Variants in RNF213 observed in about 807,000 individuals in gnomAD.
The protein encoded by RNF213 is E3 ubiquitin-protein ligase RNF213.
In RNF213, 341 loss-of-function variants were observed where a neutral mutation model predicts 514.4. The ratio of observed to expected loss-of-function variants is 0.66; its 90% CI spans 0.61 to 0.73. The LOEUF (loss-of-function observed/expected upper bound fraction) is 0.73. RNF213 is among the 30% of genes least tolerant of loss of function. RNF213 has a pLI of 0.00. For missense variants in RNF213, 5,767 were observed against 6,615.6 expected (o/e 0.87, Z 4.45); for synonymous variants, 2,655 against 2,658.2 (o/e 1.00, Z 0.04).
At chr17:80,354,200 C>T (rs769297332) in intron 35 of RNF213, 34 bp downstream of exon 35, 3 of 1,608,806 alleles carry the variant, frequency 1.9e-6, no homozygotes, top group Non-Finnish European at 2.5e-6. Context: ...GCCCCTGCCC[C>T]CACGTGGGCT....
intron 65 of RNF213, 34 bp from the exon 66 acceptor site, chr17:80,389,794 C>T (rs1369683458): frequency 1.7e-5 from 26 of 1,567,516 alleles, no homozygotes; most frequent in Non-Finnish European, 2.3e-5. Flanking sequence ...TGTGAGACCT[C>T]AGCCCCCACT....
chr17:80,389,633 G>C (rs2080381001), intron 65 of RNF213, among the ~76,000 whole-genome samples, 195 bp from the exon 66 acceptor site: 1 of 152,222 alleles, frequency 6.6e-6, no homozygotes, highest in Admixed American at 6.5e-5. Flanking sequence ...CGTGATGTGA[G>C]CGGGCTGTGA....
Position 80,343,431 on chromosome 17 carries a change from C to A in RNF213, c.6183+106C>A. On this transcript the variant is annotated intron_variant, in intron 27 of 67. Transcript: ENST00000582970. The surrounding 1 kb of genome is among the most constrained non-coding windows in gnomAD (Gnocchi z 4.3). ...ATAGAATTCCTTGTTTCCACACGCA[C>A]AGTCCTGTGAAGCTTAACAGTGGGA... 2.0e-6 allele frequency: 2 copies of A among 1,014,626 alleles called. No individual in the cohort carries two copies. Among genetic ancestry groups the A allele is most frequent in the Non-Finnish European group, 3.0e-6 (2 of 663,888 alleles). The allele number at this position is 1,014,626 out of a possible 1,614,324, so 62.9% of individuals were successfully genotyped here. A position where few individuals can be genotyped will look rare whatever the true frequency, so the allele number is the denominator to read the frequency against.
intron 57 of RNF213, 40 bp from the exon 58 acceptor site, chr17:80,382,939 T>C: frequency 7.8e-7 from 1 of 1,284,326 alleles, no homozygotes; most frequent in Non-Finnish European, 1.1e-6. Flanking sequence ...CTGTGTTCTT[T>C]GTGCCTTGGG....
chr17:80,373,274 CCT>C, intron 49 of RNF213, 109 bp downstream of exon 49: 2 of 818,432 alleles, frequency 2.4e-6, no homozygotes, highest in Non-Finnish European at 3.7e-6. Flanking sequence ...CACCCCACCC[CCT>C]CACACCTTCC....
intron 14 of RNF213, among the ~76,000 whole-genome samples, chr17:80,310,477 G>A (rs964772658): frequency 5.3e-5 from 8 of 151,436 alleles, no homozygotes; most frequent in Non-Finnish European, 7.4e-5. Context: ...GGTCTCAAAC[G>A]CCTGACCTCA....
Position 80,380,891 on chromosome 17 carries a change from G to A in RNF213, c.13701G>A (p.Val4567=). 3 of 1,614,128 alleles carry A rather than the reference G, an allele frequency of 1.9e-6. No individual in the cohort carries two copies. Among genetic ancestry groups the A allele is most frequent in the Non-Finnish European group, 2.5e-6 (3 of 1,180,018 alleles). ...HVLGNPQRRD[V]VTCDRGLPPV... ...TGGGCAACCCGCAGCGGAGAGACGT[G>A]GTGACATGTGACCGAGGGCTGCCCC... The change falls in exon 56 of 68, where the codon GTG becomes GTA. Residue 4567 remains valine, a synonymous_variant. Transcript: ENST00000582970.
chr17:80,390,155 C>T lies in RNF213; in HGVS notation c.15429C>T (p.Asn5143=). ...LHEMIILKLK[N]PQTQTEERFR... ...AAATGATAATCTTGAAACTAAAGAA[C>T]CCCCAAACCCAAACCGAGGAGCGCT... The change falls in exon 67 of 68, where the codon AAC becomes AAT. Residue 5143 remains asparagine (N), a synonymous_variant. Transcript: ENST00000582970. The T allele has an allele frequency of 6.2e-7, 1 of 1,614,176 alleles. No homozygotes were observed. The highest frequency in any genetic ancestry group is 8.5e-7 in the Non-Finnish European group (1 of 1,180,044).
At chr17:80,376,196 A>G in intron 51 of RNF213, 105 bp from the exon 52 acceptor site, 2 of 1,376,678 alleles carry the variant, frequency 1.5e-6, no homozygotes, top group East Asian at 2.3e-5. Flanking sequence ...TGATTTCTCC[A>G]TATTTACCTT....
At chr17:80,302,195 T>G (rs2045203889) in intron 11 of RNF213, among the ~76,000 whole-genome samples, 1 of 152,040 alleles carries the variant, frequency 6.6e-6, no homozygotes, top group African/African-American at 2.4e-5. Context: ...ATAGGACGAG[T>G]AAGTTCTAGG....
chr17:80,381,097 T>G, intron 56 of RNF213, 110 bp downstream of exon 56: 1 of 1,103,240 alleles, frequency 9.1e-7, no homozygotes, highest in Non-Finnish European at 1.4e-6. Context: ...GTTTTGGAGA[T>G]AATTAGTCTA....
chr17:80,311,599 C>T (rs898532496), intron 14 of RNF213, among the ~76,000 whole-genome samples: 1 of 152,250 alleles, frequency 6.6e-6, no homozygotes, highest in Admixed American at 6.5e-5. Flanking sequence ...AAAGCTCCTG[C>T]CTGTATCTTC....
chr17:80,277,360 G>T (rs1421124621), intron 3 of RNF213, among the ~76,000 whole-genome samples: 1 of 152,076 alleles, frequency 6.6e-6, no homozygotes, highest in Non-Finnish European at 1.5e-5. Flanking sequence ...CACATTGGGA[G>T]GCTGAGGCGG....
At chr17:80,370,646 G>A (rs8070106) in intron 46 of RNF213, among the ~76,000 whole-genome samples, 73,698 of 151,960 alleles carry the variant, frequency 0.48, 19,418 homozygotes, top group Non-Finnish European at 0.59. Flanking sequence ...ACGTTTTGTG[G>A]AAATGGGAAG....
Position 80,380,911 on chromosome 17 carries a change from T to C in RNF213, c.13721T>C (p.Leu4574Pro). The part of the protein sequence containing the change: ...RRDVVTCDRG[L>P]PPVVFLLIRL... ...GACGTGGTGACATGTGACCGAGGGC[T>C]GCCCCCAGTGGTCTTCCTCCTTATC... The change falls in exon 56 of 68, where the codon CTG (leucine) becomes CCG (proline). Residue 4574 changes from leucine (L) to proline (P), a missense_variant. By Grantham distance (98) the Leu-to-Pro change is moderately conservative (BLOSUM62 -3). Transcript: ENST00000582970. 1 of 1,614,204 alleles carries C rather than the reference T, an allele frequency of 6.2e-7. No homozygotes were observed. The highest frequency in any genetic ancestry group is 8.5e-7 in the Non-Finnish European group (1 of 1,180,030).
rs771281594 is a variant in RNF213, at chr17:80,345,420, A to G, written c.7085A>G (p.Asn2362Ser). 20 of 1,613,734 alleles carry G rather than the reference A, an allele frequency of 1.2e-5. No individual in the cohort carries two copies. The highest frequency in any genetic ancestry group is 1.4e-5 in the Non-Finnish European group (17 of 1,179,810). The part of the protein sequence containing the change: ...QGLLLQRVPF[N>S]VDFDKLPRHK... ...CTGCTGCTCCAGAGGGTGCCCTTCA[A>G]TGTCGACTTTGATAAACTGCCCAGA... The change falls in exon 29 of 68, where the codon AAT becomes AGT. Residue 2362 changes from asparagine to serine, a missense_variant. By Grantham distance (46) the Asn-to-Ser change is conservative. Coordinates refer to ENST00000582970, the MANE Select transcript of RNF213 (RefSeq NM_001256071.3). This position sits in a 1 kb window ranked among gnomAD's most constrained non-coding sequence, Gnocchi z 6.0.
intron 3 of RNF213, among the ~76,000 whole-genome samples, chr17:80,279,227 T>C (rs2044173010): frequency 6.6e-6 from 1 of 152,162 alleles, no homozygotes; most frequent in Non-Finnish European, 1.5e-5. Flanking sequence ...TTAACCTGGC[T>C]GCACTCACCT....
intron 25 of RNF213, among the ~76,000 whole-genome samples, chr17:80,338,676 A>G (rs115047000): frequency 0.047 from 7,178 of 151,904 alleles, 195 homozygotes; most frequent in Middle Eastern, 0.058. Flanking sequence ...TAAAAAAATT[A>G]AAACAGTCCA....
intron 20 of RNF213, among the ~76,000 whole-genome samples, chr17:80,330,259 C>T (rs1420370512): frequency 6.6e-6 from 1 of 152,244 alleles, no homozygotes; most frequent in Non-Finnish European, 1.5e-5. Flanking sequence ...GCTGCTTCCT[C>T]CAGGTTCCTT....
Sources: gnomAD v4.1 joint callset for allele counts (sites outside exome capture counted in the v4.1 genomes callset) on GRCh38, gnomAD v4.1.1 for gene constraint, Gnocchi (gnomAD v3.1) non-coding constraint, MANE v1.5 for transcripts, NCBI Gene and HGNC (gene_info 2026-07-23, HGNC 2026-07-21) for gene names.